The following RAD51B variants were observed in gnomAD, a reference collection of about 807,000 sequenced individuals.
RAD51B encodes the protein RAD51 paralog B, also known as DNA repair protein RAD51 homolog 2.
In RAD51B, 38 loss-of-function variants were observed where a neutral mutation model predicts 42.2. The observed-to-expected ratio is 0.90, with a 90% confidence interval of 0.70 to 1.18. RAD51B has a LOEUF of 1.18. Among genes scored for constraint, RAD51B ranks in the 50% most tolerant of loss-of-function variants. The pLI, the probability that RAD51B is intolerant of heterozygous loss-of-function variation, is 0.00. For missense variants in RAD51B, 373 were observed against 400.7 expected, an observed-to-expected ratio of 0.93 and a Z score of 0.59; for synonymous variants, 154 against 145.2, an observed-to-expected ratio of 1.06 and a Z score of -0.43.
At chr14:68,411,191 T>C (rs2084410010) in intron 8 of RAD51B, among the ~76,000 whole-genome samples, 1 of 152,328 alleles carries the variant, frequency 6.6e-6, no homozygotes, top group East Asian at 1.9e-4. Flanking sequence ...AACTCTGTTA[T>C]TATTTGGCCC....
rs1566622646 is a variant in RAD51B at position 68,072,052 on chromosome 14, ATT to A, written c.756+184849_756+184850del. On this transcript the variant is annotated intron_variant, in intron 7 of 10. Coordinates refer to ENST00000471583, the MANE Select transcript of RAD51B (RefSeq NM_133510.4). ...TTTCTAGATTTTATATATATATATAATTATATATATTTATATAAATATATAAA... is the reference window on the plus strand; with the variant it reads ...TTTCTAGATTTTATATATATATATAAATATATATTTATATAAATATATAAA... Among the ~76,000 whole-genome samples, 559 of 115,974 alleles carry A rather than the reference ATT, an allele frequency of 4.8e-3. 19 individuals are homozygous for A. The highest frequency in any genetic ancestry group is 0.024 in the African/African-American group (534 of 22,478). The allele number at this position is 115,974 out of a possible 152,430, so 76.1% of individuals were successfully genotyped here.
At chr14:67,858,871 G>A (rs2042078548) in intron 4 of RAD51B, among the ~76,000 whole-genome samples, 1 of 152,188 alleles carries the variant, frequency 6.6e-6, no homozygotes, top group South Asian at 2.1e-4. Context: ...ACTGACAGAA[G>A]TTTCCCTTGC....
At chr14:68,679,251 G>A (rs1188241451) in intron 11 of RAD51B, among the ~76,000 whole-genome samples, 2 of 151,838 alleles carry the variant, frequency 1.3e-5, no homozygotes, top group East Asian at 3.9e-4. Context: ...TCCCCATTTT[G>A]TAAGTTTAAA....
At chr14:67,910,848 G>A (rs2043955078) in intron 7 of RAD51B, among the ~76,000 whole-genome samples, 1 of 146,656 alleles carries the variant, frequency 6.8e-6, no homozygotes, top group Non-Finnish European at 1.5e-5. Flanking sequence ...GTCTTGCTCT[G>A]TTGCCCAGAC....
At chr14:68,531,122 T>C (rs1887276997) in intron 10 of RAD51B, among the ~76,000 whole-genome samples, 1 of 126,174 alleles carries the variant, frequency 7.9e-6, no homozygotes. Context: ...AAGCAGAATA[T>C]AGAAAATCTC....
intron 10 of RAD51B, chr14:68,628,477 C>T (rs188904008): frequency 2.6e-5 from 4 of 152,526 alleles, no homozygotes; most frequent in African/African-American, 9.6e-5. Flanking sequence ...TGCACAAAGG[C>T]CTGCTTTGTT....
intron 7 of RAD51B, among the ~76,000 whole-genome samples, chr14:68,059,158 T>A (rs2076528934): frequency 6.6e-6 from 1 of 152,188 alleles, no homozygotes; most frequent in Non-Finnish European, 1.5e-5. Flanking sequence ...ATTTCACCTC[T>A]GCATTTAGTA....
intron 10 of RAD51B, among the ~76,000 whole-genome samples, chr14:68,573,877 G>A (rs764757760): frequency 3.9e-5 from 6 of 152,148 alleles, no homozygotes; most frequent in Admixed American, 6.5e-5. Flanking sequence ...TACAGAGCCC[G>A]GCAAACAAGA....
chr14:67,929,447 A>T (rs1179943784), intron 7 of RAD51B, among the ~76,000 whole-genome samples: 2 of 152,170 alleles, frequency 1.3e-5, no homozygotes, highest in African/African-American at 2.4e-5. Context: ...ATTGTGATCT[A>T]AGATACTTGA....
intron 7 of RAD51B, among the ~76,000 whole-genome samples, chr14:67,888,527 A>G (rs1460367849): frequency 6.6e-6 from 1 of 152,086 alleles, no homozygotes; most frequent in Non-Finnish European, 1.5e-5. Context: ...CAGGAGGTTG[A>G]GGTTGCATTG....
At chr14:67,968,349 C>G (rs1201002067) in intron 7 of RAD51B, among the ~76,000 whole-genome samples, 2 of 152,238 alleles carry the variant, frequency 1.3e-5, no homozygotes, top group African/African-American at 4.8e-5. Flanking sequence ...TTTCTGCAGC[C>G]AGCTTGAACT....
intron 7 of RAD51B, among the ~76,000 whole-genome samples, chr14:67,934,811 G>T (rs970181960): frequency 6.6e-6 from 1 of 152,022 alleles, no homozygotes; most frequent in East Asian, 1.9e-4. Context: ...TCTTATTGAT[G>T]GGGGGGAATG....
downstream of RAD51B, among the ~76,000 whole-genome samples, chr14:68,613,611 A>C (rs563555093): frequency 2.0e-5 from 3 of 151,408 alleles, no homozygotes; most frequent in African/African-American, 7.3e-5. Flanking sequence ...CCACCACCAC[A>C]CCCGGCTAGT....
At chr14:68,239,122 CAGCCTCCTGGGGCCCAGATAAG>C (rs1424652765) in intron 7 of RAD51B, among the ~76,000 whole-genome samples, 1 of 152,230 alleles carries the variant, frequency 6.6e-6, no homozygotes, top group Non-Finnish European at 1.5e-5. Flanking sequence ...TGTAGAAATA[CAGCCTCCTGGGGCCCAGATAAG>C]ACAACTGTTA....
intron 7 of RAD51B, among the ~76,000 whole-genome samples, chr14:67,931,975 T>C (rs1483274642): frequency 8.3e-6 from 1 of 119,916 alleles, no homozygotes; most frequent in Non-Finnish European, 2.1e-5. Flanking sequence ...TTTTTAACTT[T>C]TCTTCAACTT....
intron 10 of RAD51B, among the ~76,000 whole-genome samples, chr14:68,574,891 T>TG (rs931667583): frequency 5.3e-5 from 8 of 151,836 alleles, no homozygotes; most frequent in Non-Finnish European, 1.0e-4. Flanking sequence ...CTATGAAGTG[T>TG]GGGGGGGATT....
intron 7 of RAD51B, among the ~76,000 whole-genome samples, chr14:67,907,946 C>T (rs550899926): frequency 1.8e-4 from 27 of 152,296 alleles, no homozygotes; most frequent in African/African-American, 6.3e-4. Flanking sequence ...CAGCAACCAT[C>T]TTGTGCCCAT....
At chr14:68,045,236 C>CAAAAAAAA (rs537073885) in intron 7 of RAD51B, among the ~76,000 whole-genome samples, 148 of 22,030 alleles carry the variant, frequency 6.7e-3, no homozygotes, top group Middle Eastern at 0.038. Context: ...AACTCTGTCT[C>CAAAAAAAA]AAAAAAAAAA....
At chr14:68,058,134 T>G (rs924670719) in intron 7 of RAD51B, among the ~76,000 whole-genome samples, 1 of 152,086 alleles carries the variant, frequency 6.6e-6, no homozygotes, top group African/African-American at 2.4e-5. Flanking sequence ...CAATTTTATC[T>G]TTATTGTATT....
Sources: allele counts gnomAD v4.1 joint callset (sites outside exome capture counted in the v4.1 genomes callset), GRCh38; gene constraint gnomAD v4.1.1; transcripts MANE v1.5; gene names NCBI Gene and HGNC (gene_info 2026-07-23, HGNC 2026-07-21).